Variants in ABCC9 observed in about 807,000 individuals in gnomAD.
The protein encoded by ABCC9 is ATP binding cassette subfamily C member 9, also known as ATP-binding cassette sub-family C member 9.
In ABCC9, 95 loss-of-function variants were observed where a neutral mutation model predicts 188.3. The ratio of observed to expected loss-of-function variants is 0.50; its 90% confidence interval spans 0.43 to 0.60. ABCC9 has a LOEUF of 0.60. ABCC9 is among the 20% of genes least tolerant of loss of function. The pLI, the probability that ABCC9 is intolerant of heterozygous loss-of-function variation, is 0.00. For missense variants in ABCC9, 1,102 were observed against 1,876.3 expected (o/e 0.59, Z 7.62); for synonymous variants, 659 against 652.7 (o/e 1.01, Z -0.15).
chr12:21,804,208 A>G (rs937344268), intron 39 of ABCC9, among the ~76,000 whole-genome samples: 1 of 152,198 alleles, frequency 6.6e-6, no homozygotes, highest in Non-Finnish European at 1.5e-5. Flanking sequence ...GTCTATAGAA[A>G]AGTATTCAGT....
Position 21,895,321 on chromosome 12 carries a change from G to C in ABCC9, c.1619-6C>G. 6.2e-7 allele frequency: 1 copy of C among 1,612,680 alleles called. No homozygotes were observed. The highest frequency in any genetic ancestry group is 8.5e-7 in the Non-Finnish European group (1 of 1,178,766). On this transcript the variant is annotated splice_region_variant and splice_polypyrimidine_tract_variant and intron_variant, in intron 12 of 39. Coordinates refer to ENST00000261200, the MANE Select transcript of ABCC9 (RefSeq NM_020297.4). Reference sequence around the variant, plus strand: ...AATTGCTGCATTCATGAAGACTGTGGAAAGAAATAAAATGCATTAGTTTCA... The same window carrying C: ...AATTGCTGCATTCATGAAGACTGTGCAAAGAAATAAAATGCATTAGTTTCA...
intron 30 of ABCC9, among the ~76,000 whole-genome samples, 193 bp from the exon 31 acceptor site, chr12:21,829,253 G>A (rs990783272): frequency 3.0e-5 from 4 of 135,130 alleles, no homozygotes; most frequent in Non-Finnish European, 6.1e-5. Flanking sequence ...CCAGGCTGGA[G>A]TGCAGTGGCG....
chr12:21,851,541 G>T (rs1280619923), intron 24 of ABCC9, among the ~76,000 whole-genome samples: 1 of 152,030 alleles, frequency 6.6e-6, no homozygotes, highest in Non-Finnish European at 1.5e-5. Flanking sequence ...ATGTAAAAAG[G>T]GCTTTGTGGA....
intron 6 of ABCC9, among the ~76,000 whole-genome samples, chr12:21,916,532 A>G (rs531754784): frequency 6.6e-6 from 1 of 152,318 alleles, no homozygotes; most frequent in South Asian, 2.1e-4. Flanking sequence ...ATGTTTCTTC[A>G]TCAGCAAAAT....
chr12:21,905,421 AAAAAG>A (rs1033269448), intron 12 of ABCC9, among the ~76,000 whole-genome samples: 1 of 152,146 alleles, frequency 6.6e-6, no homozygotes, highest in African/African-American at 2.4e-5. Flanking sequence ...AATTAAAAAA[AAAAAG>A]AATGCTATGA....
Position 21,838,179 on chromosome 12 carries a change from G to C in ABCC9, c.3474-9C>G, listed in dbSNP as rs200324216. 6.3e-7 allele frequency: 1 copy of C among 1,588,592 alleles called. No homozygotes were observed. The highest frequency in any genetic ancestry group is 8.6e-7 in the Non-Finnish European group (1 of 1,156,900). On this transcript the variant is annotated splice_polypyrimidine_tract_variant and intron_variant, in intron 29 of 39. Coordinates refer to ENST00000261200, the MANE Select transcript of ABCC9 (RefSeq NM_020297.4). ...CAAGTTCCTGGAGGTCCCTAGTAGA[G>C]AGAGGGGCAAAAATAAACTTCATGT...
chr12:21,887,708 C>G (rs1188266253), intron 15 of ABCC9, 118 bp downstream of exon 15: 5 of 738,612 alleles, frequency 6.8e-6, no homozygotes, highest in Admixed American at 2.2e-5. Context: ...CGTGATTTTT[C>G]TTCACATGGG....
At chr12:21,877,546 G>A (rs1192135945) in intron 16 of ABCC9, among the ~76,000 whole-genome samples, 1 of 152,142 alleles carries the variant, frequency 6.6e-6, no homozygotes, top group African/African-American at 2.4e-5. Flanking sequence ...AGAGGCTGAA[G>A]ATTCCATTTT....
intron 31 of ABCC9, among the ~76,000 whole-genome samples, chr12:21,820,384 C>T (rs949099780): frequency 2.0e-5 from 3 of 152,008 alleles, no homozygotes; most frequent in Non-Finnish European, 4.4e-5. Flanking sequence ...TCCATTCATA[C>T]ATTCTTTAAA....
intron 30 of ABCC9, among the ~76,000 whole-genome samples, chr12:21,831,446 T>TG (rs1479648130): frequency 2.0e-5 from 3 of 152,068 alleles, no homozygotes; most frequent in Admixed American, 6.6e-5. Context: ...CCTACTCCCT[T>TG]GAAGGGTCAA....
intron 30 of ABCC9, among the ~76,000 whole-genome samples, chr12:21,834,507 CT>C (rs2137312628): frequency 6.6e-6 from 1 of 152,166 alleles, no homozygotes; most frequent in East Asian, 1.9e-4. Context: ...TAAAGGTTTA[CT>C]TACCAGAAGG....
chr12:21,809,796 C>G, intron 37 of ABCC9, 56 bp downstream of exon 37: 1 of 996,878 alleles, frequency 1.0e-6, no homozygotes, highest in East Asian at 2.4e-5. Context: ...CGTAGATAGA[C>G]ATATGTAGGA....
In ABCC9 at chr12:21,818,248, A is replaced by G. The variant is rs1417502158; in HGVS notation, c.3673T>C (p.Tyr1225His). Residue 1225 changes from tyrosine (Y) to histidine (H), a missense_variant, in exon 32 of 40, where the codon TAT becomes CAT. By Grantham distance (83) the Tyr-to-His change is moderately conservative. Transcript: ENST00000261200. ...ANRWLEVRTD[Y>H]LGACIVLTAS... ...GTGAGGACAATGCAAGCTCCCAGAT[A>G]ATCCTTTGAAAAAGCAAGAGAAAAT... The G allele has an allele frequency of 3.1e-6, 5 of 1,613,202 alleles. No homozygotes were observed. Among genetic ancestry groups the G allele is most frequent in the African/African-American group, 1.3e-5 (1 of 74,878 alleles).
intron 31 of ABCC9, among the ~76,000 whole-genome samples, chr12:21,820,407 G>A (rs1370738174): frequency 6.6e-6 from 1 of 151,890 alleles, no homozygotes; most frequent in Non-Finnish European, 1.5e-5. Flanking sequence ...ATGTAAGTCA[G>A]GTCATATCAC....
At chr12:21,804,198 G>A (rs1249975686) in intron 39 of ABCC9, among the ~76,000 whole-genome samples, 2 of 152,114 alleles carry the variant, frequency 1.3e-5, no homozygotes, top group Non-Finnish European at 2.9e-5. Flanking sequence ...AGAAATATAA[G>A]TCTATAGAAA....
intron 22 of ABCC9, among the ~76,000 whole-genome samples, chr12:21,853,076 AG>A (rs1945048404): frequency 6.6e-6 from 1 of 152,186 alleles, no homozygotes; most frequent in Non-Finnish European, 1.5e-5. Flanking sequence ...GCATTTTGGG[AG>A]GCCAAGGCAG....
chr12:21,820,171 CAT>C (rs1942952528), intron 31 of ABCC9, among the ~76,000 whole-genome samples: 1 of 151,950 alleles, frequency 6.6e-6, no homozygotes, highest in South Asian at 2.1e-4. Flanking sequence ...CTAAAAGTCT[CAT>C]AGAGTTTCTG....
At chr12:21,856,493 A>G (rs1311090932) in intron 22 of ABCC9, among the ~76,000 whole-genome samples, 1 of 99,238 alleles carries the variant, frequency 1.0e-5, no homozygotes, top group Non-Finnish European at 2.0e-5. Flanking sequence ...TGCAGATGCA[A>G]TGAAGTTTTC....
In ABCC9 at chr12:21,812,138, C is replaced by G; in HGVS notation, c.4122G>C (p.Gly1374=). 6.2e-7 allele frequency: 1 copy of G among 1,610,956 alleles called. No individual in the cohort carries two copies. Residue 1374 remains glycine (G), a synonymous_variant, in exon 36 of 40, where the codon GGG becomes GGC. Coordinates refer to ENST00000261200, the MANE Select transcript of ABCC9 (RefSeq NM_020297.4). ...DIFDGKIVID[G]IDISKLPLHT... is the part of the protein sequence containing the mutation. ...GCAGTGGTAATTTGGAAATGTCTAT[C>G]CCATCAATGACAATTTTTCCTGTTA...
Sources: allele counts gnomAD v4.1 joint callset (sites outside exome capture counted in the v4.1 genomes callset), GRCh38; gene constraint gnomAD v4.1.1; transcripts MANE v1.5; gene names NCBI Gene and HGNC (gene_info 2026-07-23, HGNC 2026-07-21).